The following ZBTB8A variants were observed in gnomAD, a reference collection of about 807,000 sequenced individuals.
ZBTB8A encodes the protein zinc finger and BTB domain-containing protein 8A.
ZBTB8A carries 19 observed loss-of-function variants against 37.8 expected under a neutral mutation model. The ratio of observed to expected loss-of-function variants is 0.50; its 90% CI spans 0.35 to 0.74. ZBTB8A has a LOEUF of 0.74. Ranked by LOEUF, ZBTB8A falls within the 30% of genes least tolerant of loss-of-function variation. The probability of loss-of-function intolerance (pLI) is 0.01; values close to 1 mark genes in which losing one functional copy is unlikely to be tolerated. For missense variants in ZBTB8A, 394 were observed against 537.8 expected, an observed-to-expected ratio of 0.73 and a Z score of 2.65; for synonymous variants, 181 against 185.2, an observed-to-expected ratio of 0.98 and a Z score of 0.19.
chr1:32,546,462 A>G (rs992922207), intron 1 of ZBTB8A, among the ~76,000 whole-genome samples: 6 of 151,696 alleles, frequency 4.0e-5, no homozygotes, highest in Non-Finnish European at 7.4e-5. Flanking sequence ...AAATAAATAA[A>G]TAAATAAAAG....
intron 2 of ZBTB8A, among the ~76,000 whole-genome samples, chr1:32,554,682 T>C (rs1245917176): frequency 2.6e-5 from 4 of 151,998 alleles, no homozygotes; most frequent in African/African-American, 9.7e-5. Flanking sequence ...TTTCACCATG[T>C]TGGTCAGGCT....
At chr1:32,563,042 A>G (rs1321192034) in intron 2 of ZBTB8A, among the ~76,000 whole-genome samples, 1 of 152,218 alleles carries the variant, frequency 6.6e-6, no homozygotes, top group African/African-American at 2.4e-5. Flanking sequence ...TAAAGTAGGT[A>G]TACTGAGTAC....
At chr1:32,540,490 A>G (rs1345190809) in intron 1 of ZBTB8A, among the ~76,000 whole-genome samples, 1 of 152,192 alleles carries the variant, frequency 6.6e-6, no homozygotes, top group Admixed American at 6.5e-5. Context: ...GCTGACGGTA[A>G]TTCCACTTTG....
intron 2 of ZBTB8A, among the ~76,000 whole-genome samples, chr1:32,572,742 A>G (rs937044665): frequency 6.6e-6 from 1 of 151,982 alleles, no homozygotes; most frequent in African/African-American, 2.4e-5. Flanking sequence ...AAATTCATCT[A>G]TTTCATTTAA....
intron 1 of ZBTB8A, among the ~76,000 whole-genome samples, chr1:32,545,866 A>G (rs149258553): frequency 5.8e-4 from 88 of 152,320 alleles, no homozygotes; most frequent in Non-Finnish European, 7.5e-4. Context: ...TACCAGGTAC[A>G]ATCATTTGCT....
intron 1 of ZBTB8A, among the ~76,000 whole-genome samples, chr1:32,549,637 G>A (rs1412276731): frequency 6.6e-6 from 1 of 152,188 alleles, no homozygotes; most frequent in African/African-American, 2.4e-5. Context: ...GCCAAAGTGG[G>A]AGGATCCCCT....
Position 32,577,192 on chromosome 1 carries a change from G to A in ZBTB8A, c.-1-15739G>A, listed in dbSNP as rs1453745558. On this transcript the variant is annotated intron_variant, in intron 2 of 4. Transcript: ENST00000373510. ...CCTGGCCTTTGTTCATTTTTTGTCA[G>A]TCCTTTTTTGTTTTCTTTTTGAGAC... is the stretch of plus-strand genomic sequence containing the variant. 1.1e-4 allele frequency among the ~76,000 whole-genome samples: 16 copies of A among 149,108 alleles called. No individual in the cohort carries two copies. In the South Asian group the frequency reaches 2.8e-3, roughly 26 times the overall value.
chr1:32,595,271 T>TC (rs1557718301), intron 4 of ZBTB8A, 48 bp downstream of exon 4: 1 of 1,595,050 alleles, frequency 6.3e-7, no homozygotes. Context: ...TTTTGGTTTT[T>TC]GTTTTTGTTT....
In ZBTB8A at chr1:32,553,525, A is replaced by G. The variant is rs1256130156; in HGVS notation, c.-17A>G. On this transcript the variant is annotated 5_prime_UTR_variant, in exon 2 of 5. Coordinates refer to ENST00000373510, the MANE Select transcript of ZBTB8A (RefSeq NM_001040441.3). The stretch of plus-strand genomic sequence containing the variant: ...CTTTTTTACTCCATTCAAGAGCAGC[A>G]TTCATAAATTTCCAGGTATGACAAA... The G allele has an allele frequency of 6.6e-6, 1 of 152,180 alleles. No homozygotes were observed. Among genetic ancestry groups the G allele is most frequent in the Non-Finnish European group, 1.5e-5 (1 of 68,028 alleles). The allele number at this position is 152,180 out of a possible 1,614,324, so 9.4% of individuals were successfully genotyped here.
chr1:32,586,572 A>G (rs942496490), intron 2 of ZBTB8A, among the ~76,000 whole-genome samples: 1 of 151,972 alleles, frequency 6.6e-6, no homozygotes, highest in Admixed American at 6.6e-5. Flanking sequence ...TGATAAGGTG[A>G]CGTTGGAACA....
chr1:32,596,239 G>A (rs1251066685), intron 4 of ZBTB8A, among the ~76,000 whole-genome samples: 3 of 152,022 alleles, frequency 2.0e-5, no homozygotes, highest in Non-Finnish European at 4.4e-5. Flanking sequence ...GCGTGGTGGC[G>A]GGCGCCTGCA....
At chr1:32,597,375 A>G (rs1238892359) in intron 4 of ZBTB8A, among the ~76,000 whole-genome samples, 1 of 152,174 alleles carries the variant, frequency 6.6e-6, no homozygotes, top group African/African-American at 2.4e-5. Context: ...CACAATTATT[A>G]TTCCTTTTGA....
chr1:32,547,547 T>G (rs917428766), intron 1 of ZBTB8A, among the ~76,000 whole-genome samples: 1 of 146,340 alleles, frequency 6.8e-6, no homozygotes, highest in Non-Finnish European at 1.5e-5. Context: ...ACTTTTAGGT[T>G]GCAAATCTTA....
chr1:32,547,589 T>C (rs531876656), intron 1 of ZBTB8A, among the ~76,000 whole-genome samples: 1 of 135,952 alleles, frequency 7.4e-6, no homozygotes, highest in African/African-American at 2.8e-5. Context: ...CTCAGGCCAC[T>C]GCACTCCAGC....
intron 2 of ZBTB8A, among the ~76,000 whole-genome samples, chr1:32,583,315 G>A (rs1644421633): frequency 2.0e-5 from 3 of 150,846 alleles, no homozygotes; most frequent in South Asian, 2.1e-4. Flanking sequence ...GGGAAGCAGA[G>A]GTTATAGTGA....
chr1:32,598,797 A>C (rs1456029030), intron 4 of ZBTB8A, among the ~76,000 whole-genome samples: 1 of 152,112 alleles, frequency 6.6e-6, no homozygotes, highest in African/African-American at 2.4e-5. Flanking sequence ...TAACCCTGTG[A>C]GTGATATTTC....
chr1:32,595,981 A>T (rs187155503), intron 4 of ZBTB8A, among the ~76,000 whole-genome samples: 5 of 152,130 alleles, frequency 3.3e-5, no homozygotes, highest in Admixed American at 3.3e-4. Context: ...CTTAAGAAAT[A>T]TGTACAGTTG....
At chr1:32,539,868 CG>C (rs1179672564) in intron 1 of ZBTB8A, among the ~76,000 whole-genome samples, 2 of 148,990 alleles carry the variant, frequency 1.3e-5, no homozygotes, top group African/African-American at 4.9e-5. Context: ...GGGAAGGCGG[CG>C]GGGACGGCGC....
At chr1:32,553,286 C>G (rs1644171930) in intron 1 of ZBTB8A, among the ~76,000 whole-genome samples, 173 bp from the exon 2 acceptor site, 1 of 152,154 alleles carries the variant, frequency 6.6e-6, no homozygotes, top group Non-Finnish European at 1.5e-5. Context: ...TCTCAAACTC[C>G]TGACCTCAGG....
Sources: gnomAD v4.1 joint callset for allele counts (sites outside exome capture counted in the v4.1 genomes callset) on GRCh38, gnomAD v4.1.1 for gene constraint, MANE v1.5 for transcripts, NCBI Gene and HGNC (gene_info 2026-07-23, HGNC 2026-07-21) for gene names.